SFXN5: variants seen among roughly 807,000 people sequenced by gnomAD.
SFXN5 encodes sideroflexin 5.
In SFXN5, 43 loss-of-function variants were observed where a neutral mutation model predicts 50.2. That is an observed-to-expected ratio of 0.86 (90% CI 0.67 to 1.11). SFXN5 has a LOEUF of 1.11. Ranked by LOEUF, SFXN5 falls within the 50% of genes least tolerant of loss-of-function variation. The pLI is 0.00. For missense variants in SFXN5, 463 were observed against 454.1 expected (o/e 1.02, Z -0.18); for synonymous variants, 203 against 185.8 (o/e 1.09, Z -0.75).
chr2:73,034,205 G>A (rs1678676383), intron 3 of SFXN5, among the ~76,000 whole-genome samples: 1 of 152,166 alleles, frequency 6.6e-6, no homozygotes, highest in African/African-American at 2.4e-5. Context: ...CTGATCACTT[G>A]CCTGTTCTGT....
At position 73,025,160 on chromosome 2, in the gene SFXN5, A is replaced by AC. The variant is rs1242656331; in HGVS notation, c.250-1947_250-1946insG. On this transcript the variant is annotated intron_variant, in intron 3 of 13. Coordinates refer to ENST00000272433, the MANE Select transcript of SFXN5 (RefSeq NM_144579.3). ...TTATTTAAAAACAACAACAACAACA[A>AC]AAAAAAACATAAAAGGCTGATCGTC... Among the ~76,000 whole-genome samples the AC allele has an allele frequency of 3.9e-5, 6 of 152,118 alleles. No homozygotes were observed. The South Asian group carries it at 8.3e-4, about 21-fold the overall frequency.
At chr2:73,012,297 G>A (rs1018766959) in intron 6 of SFXN5, among the ~76,000 whole-genome samples, 1 of 152,024 alleles carries the variant, frequency 6.6e-6, no homozygotes, top group Non-Finnish European at 1.5e-5. Flanking sequence ...TGAGCTGAGA[G>A]AACATTCATG....
chr2:73,037,323 A>G (rs2105909985), intron 3 of SFXN5, among the ~76,000 whole-genome samples: 1 of 152,232 alleles, frequency 6.6e-6, no homozygotes, highest in East Asian at 1.9e-4. Flanking sequence ...GTAGACAGGA[A>G]CTTCATCCAG....
rs1673713527 is a variant in SFXN5 at position 72,961,300 on chromosome 2, G to A, written c.828-52C>T. 1.5e-6 allele frequency: 2 copies of A among 1,321,214 alleles called. No individual in the cohort carries two copies. The highest frequency in any genetic ancestry group is 2.7e-4 in the Middle Eastern group (1 of 3,770). The allele number at this position is 1,321,214 out of a possible 1,614,324, so 81.8% of individuals were successfully genotyped here. A position where few individuals can be genotyped will look rare whatever the true frequency, so the allele number is the denominator to read the frequency against. On this transcript the variant is annotated intron_variant, in intron 12 of 13. Coordinates refer to ENST00000272433, the MANE Select transcript of SFXN5 (RefSeq NM_144579.3). The surrounding 1 kb of genome is among the most constrained non-coding windows in gnomAD (Gnocchi z 4.4). ...ATGAGACCCGAAGGTGGGGTGGGCT[G>A]GCTGCCAGCCACCATGCTGGGTCCC...
At chr2:73,053,134 A>G (rs1681607373) in intron 2 of SFXN5, among the ~76,000 whole-genome samples, 1 of 151,478 alleles carries the variant, frequency 6.6e-6, no homozygotes, top group Admixed American at 6.6e-5. Flanking sequence ...CCAAGATGCC[A>G]CCGCACTCCA....
rs1455959817 is a variant in SFXN5, at chr2:72,953,361, T to C, written c.945+7770A>G. On this transcript the variant is annotated intron_variant, in intron 13 of 13. Coordinates refer to ENST00000272433, the MANE Select transcript of SFXN5 (RefSeq NM_144579.3). The surrounding 1 kb of genome is among the most constrained non-coding windows in gnomAD (Gnocchi z 4.1). Reference sequence around the variant, plus strand: ...CCCAAACAAACATCTCCAAGCAAAGTAGGAGATGGATTTGAGACTGGAGGG... The same window carrying C: ...CCCAAACAAACATCTCCAAGCAAAGCAGGAGATGGATTTGAGACTGGAGGG... Among the ~76,000 whole-genome samples, 2 of 151,706 alleles carry C rather than the reference T, an allele frequency of 1.3e-5. No homozygotes were observed. The highest frequency in any genetic ancestry group is 2.4e-5 in the African/African-American group (1 of 41,254).
At chr2:73,018,030 T>C (rs1365366413) in intron 6 of SFXN5, among the ~76,000 whole-genome samples, 1 of 152,006 alleles carries the variant, frequency 6.6e-6, no homozygotes, top group East Asian at 1.9e-4. Context: ...ATAATGAGAC[T>C]CTATCTCTAT....
chr2:72,945,314 C>T lies in SFXN5; in HGVS notation c.946-215G>A, dbSNP rs1162934187. On this transcript the variant is annotated intron_variant, in intron 13 of 13. Coordinates refer to ENST00000272433, the MANE Select transcript of SFXN5 (RefSeq NM_144579.3). This position sits in a 1 kb window ranked among gnomAD's most constrained non-coding sequence, Gnocchi z 5.8. ...CTCACAGCATCCCTTCCAGCCCAGA[C>T]CAGATCTCTTTCTTCTGATGGTGTG... Among the ~76,000 whole-genome samples the T allele has an allele frequency of 6.6e-6, 1 of 152,138 alleles. No homozygotes were observed. The highest frequency in any genetic ancestry group is 1.5e-5 in the Non-Finnish European group (1 of 68,014).
intron 1 of SFXN5, chr2:73,059,808 C>T: frequency 1.0e-6 from 1 of 969,738 alleles, no homozygotes; most frequent in Non-Finnish European, 1.2e-6. Context: ...ACAATGCTGT[C>T]CTGGCAAAAT....
intron 10 of SFXN5, among the ~76,000 whole-genome samples, chr2:72,982,610 T>C (rs189949090): frequency 5.5e-4 from 84 of 152,268 alleles, no homozygotes; most frequent in Non-Finnish European, 1.1e-3. Flanking sequence ...GAGGCAGGCT[T>C]GGAAACAACA....
intron 10 of SFXN5, chr2:72,980,987 C>T (rs1168912500): frequency 6.6e-6 from 1 of 152,172 alleles, no homozygotes; most frequent in Non-Finnish European, 1.5e-5. Context: ...ATTTACGCAA[C>T]AAGCACTTAT....
At chr2:73,007,205 TG>T (rs886985646) in intron 6 of SFXN5, among the ~76,000 whole-genome samples, 6 of 152,158 alleles carry the variant, frequency 3.9e-5, no homozygotes. Context: ...CCCACCCCCT[TG>T]GCCACCTCCC....
rs930701158 is a variant in SFXN5, at chr2:72,961,349, C to T, written c.828-101G>A. 7.9e-6 allele frequency: 6 copies of T among 760,776 alleles called. No individual in the cohort carries two copies. The highest frequency in any genetic ancestry group is 1.2e-5 in the Non-Finnish European group (6 of 498,560). 47.1% of individuals were successfully genotyped at this position (760,776 alleles called of 1,614,324 possible). On this transcript the variant is annotated intron_variant, in intron 12 of 13. Coordinates refer to ENST00000272433, the MANE Select transcript of SFXN5 (RefSeq NM_144579.3). The surrounding 1 kb of genome is among the most constrained non-coding windows in gnomAD (Gnocchi z 4.4). ...CCACTCTGTCTCTGGGCCCAGGAAG[C>T]GTGGTTCCGGGGCAGTGCCAGTGTG...
intron 2 of SFXN5, among the ~76,000 whole-genome samples, chr2:73,043,916 G>A (rs574237812): frequency 6.6e-6 from 1 of 152,286 alleles, no homozygotes; most frequent in East Asian, 1.9e-4. Flanking sequence ...ATAAGTGGGT[G>A]ATTTAGTATT....
At chr2:72,966,798 G>C (rs1674468839) in intron 12 of SFXN5, among the ~76,000 whole-genome samples, 2 of 152,314 alleles carry the variant, frequency 1.3e-5, no homozygotes, top group South Asian at 4.1e-4. Flanking sequence ...CTTGCTGCCA[G>C]GCCCACAGTG....
In SFXN5 at chr2:73,001,425, C is replaced by A. The variant is rs377469141; in HGVS notation, c.411+100G>T. ...GGTGTTGGGGTGGACTGACCCTACA[C>A]GGGGTCTGGACGGGGCAGGAGACAC... On this transcript the variant is annotated intron_variant, in intron 7 of 13. Coordinates refer to ENST00000272433, the MANE Select transcript of SFXN5 (RefSeq NM_144579.3). 6.3e-6 allele frequency: 8 copies of A among 1,260,958 alleles called. No homozygotes were observed. In the East Asian group the frequency reaches 9.3e-5, roughly 15 times the overall value. 78.1% of individuals were successfully genotyped at this position (1,260,958 alleles called of 1,614,324 possible). A position where few individuals can be genotyped will look rare whatever the true frequency, so the allele number is the denominator to read the frequency against.
At chr2:72,952,821 G>A (rs1219927457) in intron 13 of SFXN5, among the ~76,000 whole-genome samples, 1 of 152,292 alleles carries the variant, frequency 6.6e-6, no homozygotes, top group South Asian at 2.1e-4. Flanking sequence ...GCTGTGTAAA[G>A]AGGACAGCAC....
At chr2:72,955,655 A>G (rs746483707) in intron 13 of SFXN5, among the ~76,000 whole-genome samples, 21 of 152,228 alleles carry the variant, frequency 1.4e-4, no homozygotes, top group Non-Finnish European at 2.5e-4. Flanking sequence ...ACCGGCTGTC[A>G]GAGTTAGAGG....
At position 73,058,561 on chromosome 2, in the gene SFXN5, A is replaced by G; in HGVS notation, c.138T>C (p.Asp46=). 1 of 1,614,094 alleles carries G rather than the reference A, an allele frequency of 6.2e-7. No homozygotes were observed. Among genetic ancestry groups the G allele is most frequent in the South Asian group, 1.1e-5 (1 of 91,076 alleles). ...SFYGRFRHFL[D]IIDPRTLFVT... is the part of the protein sequence containing the mutation. ...CAAAGAGTGTGCGAGGGTCGATGATATCCAAGAAGTGCCTGAAGCGGCCAT... is the reference window on the plus strand; with the variant it reads ...CAAAGAGTGTGCGAGGGTCGATGATGTCCAAGAAGTGCCTGAAGCGGCCAT... The change falls in exon 2 of 14, where the codon GAT becomes GAC. Residue 46 remains aspartate, a synonymous_variant. Transcript: ENST00000272433.
Sources: allele counts gnomAD v4.1 joint callset (sites outside exome capture counted in the v4.1 genomes callset), GRCh38; gene constraint gnomAD v4.1.1; non-coding constraint Gnocchi (gnomAD v3.1); transcripts MANE v1.5; gene names NCBI Gene and HGNC (gene_info 2026-07-23, HGNC 2026-07-21).